FSTL5: variants seen among roughly 807,000 people sequenced by gnomAD.
FSTL5 encodes the protein follistatin like 5, also known as follistatin-related protein 5.
In FSTL5, 62 loss-of-function variants were observed where a neutral mutation model predicts 89.1. The observed-to-expected ratio is 0.70, with a 90% confidence interval of 0.57 to 0.86. The LOEUF (loss-of-function observed/expected upper bound fraction) is 0.86, where lower values mean the gene tolerates loss of function less well. FSTL5 is among the 40% of genes least tolerant of loss of function. FSTL5 has a pLI of 0.00. For missense variants in FSTL5, 1,057 were observed against 1,001.6 expected (o/e 1.06, Z -0.75); for synonymous variants, 383 against 346.2 (o/e 1.11, Z -1.18).
intron 12 of FSTL5, among the ~76,000 whole-genome samples, chr4:161,487,999 T>A (rs1193049928): frequency 6.6e-6 from 1 of 152,078 alleles, no homozygotes; most frequent in Non-Finnish European, 1.5e-5. Flanking sequence ...TATTTGTGAA[T>A]ATGCTAGATA....
intron 12 of FSTL5, among the ~76,000 whole-genome samples, chr4:161,481,670 A>T (rs1729515139): frequency 6.6e-6 from 1 of 152,192 alleles, no homozygotes; most frequent in Admixed American, 6.5e-5. Flanking sequence ...AAATTATAAT[A>T]AGATAGTTAT....
At chr4:161,398,784 C>G (rs189070279) in intron 15 of FSTL5, among the ~76,000 whole-genome samples, 4 of 152,162 alleles carry the variant, frequency 2.6e-5, no homozygotes, top group Admixed American at 2.6e-4. Context: ...GGTTATTCCA[C>G]ATATGTCTGC....
chr4:161,962,125 G>A (rs1259276038), intron 3 of FSTL5, among the ~76,000 whole-genome samples: 1 of 151,620 alleles, frequency 6.6e-6, no homozygotes, highest in South Asian at 2.1e-4. Flanking sequence ...TATTAAATAT[G>A]AGTACAATCT....
At position 161,721,081 on chromosome 4, in the gene FSTL5, A is replaced by T. The variant is rs57090136; in HGVS notation, c.727+38330T>A. ...ATCATGAGGTCAGGAGATCGAGACC[A>T]TCCTGGCTAACAAGGTGAAACCCCG... On this transcript the variant is annotated intron_variant, in intron 6 of 15. Transcript: ENST00000306100. 3.6e-3 allele frequency among the ~76,000 whole-genome samples: 539 copies of T among 151,618 alleles called. 5 individuals carry two copies. Among genetic ancestry groups the T allele is most frequent in the African/African-American group, 0.011 (436 of 41,336 alleles).
chr4:161,617,165 T>G (rs1237015830), intron 7 of FSTL5, among the ~76,000 whole-genome samples: 1 of 151,898 alleles, frequency 6.6e-6, no homozygotes, highest in East Asian at 1.9e-4. Flanking sequence ...AAACTCATAT[T>G]TATATAAATT....
intron 1 of FSTL5, among the ~76,000 whole-genome samples, chr4:162,149,499 T>C (rs958186011): frequency 1.3e-5 from 2 of 151,704 alleles, no homozygotes; most frequent in Non-Finnish European, 1.5e-5. Flanking sequence ...AAATTAGTTC[T>C]GTGTGTTGTT....
chr4:161,633,480 G>A (rs1203854220), intron 7 of FSTL5, among the ~76,000 whole-genome samples: 1 of 151,822 alleles, frequency 6.6e-6, no homozygotes, highest in East Asian at 1.9e-4. Flanking sequence ...CCGAGTAGCT[G>A]AGACTACAGG....
intron 6 of FSTL5, among the ~76,000 whole-genome samples, chr4:161,746,744 GCCT>G (rs1402858336): frequency 9.9e-5 from 15 of 151,966 alleles, no homozygotes; most frequent in African/African-American, 3.6e-4. Context: ...TTGGTGTCTT[GCCT>G]ATACCTACAT....
intron 10 of FSTL5, among the ~76,000 whole-genome samples, chr4:161,533,047 A>G (rs984499067): frequency 6.6e-6 from 1 of 152,154 alleles, no homozygotes; most frequent in Non-Finnish European, 1.5e-5. Context: ...TAGAGACACA[A>G]TTTAAAATCT....
chr4:161,588,047 A>T (rs1367651650), intron 7 of FSTL5, among the ~76,000 whole-genome samples: 2 of 152,002 alleles, frequency 1.3e-5, no homozygotes, highest in African/African-American at 2.4e-5. Context: ...GGTGGCACAC[A>T]CCTGTAGTCC....
intron 3 of FSTL5, among the ~76,000 whole-genome samples, chr4:161,921,168 T>C (rs1733984300): frequency 6.6e-6 from 1 of 152,172 alleles, no homozygotes; most frequent in Non-Finnish European, 1.5e-5. Context: ...GAAAGTAATG[T>C]ATGCATACAA....
chr4:161,440,459 C>A (rs1021623698), intron 15 of FSTL5, among the ~76,000 whole-genome samples: 3 of 152,032 alleles, frequency 2.0e-5, no homozygotes, highest in African/African-American at 7.2e-5. Context: ...TGATATCTCC[C>A]ACAACAGATA....
At chr4:161,923,974 T>C (rs998094215) in intron 3 of FSTL5, among the ~76,000 whole-genome samples, 3 of 151,800 alleles carry the variant, frequency 2.0e-5, no homozygotes, top group African/African-American at 7.2e-5. Flanking sequence ...AGCTAGAACA[T>C]ACCCTTTCTG....
chr4:162,030,832 C>T (rs1351146401), intron 3 of FSTL5, among the ~76,000 whole-genome samples: 1 of 152,130 alleles, frequency 6.6e-6, no homozygotes, highest in Non-Finnish European at 1.5e-5. Context: ...TAGAGAGATG[C>T]TCTCAAATAT....
At chr4:161,396,697 T>A (rs1249377016) in intron 15 of FSTL5, among the ~76,000 whole-genome samples, 1 of 142,654 alleles carries the variant, frequency 7.0e-6, no homozygotes, top group Non-Finnish European at 1.5e-5. Context: ...ATATGGGATA[T>A]AAGCCATATT....
intron 2 of FSTL5, among the ~76,000 whole-genome samples, chr4:162,105,686 C>T (rs1731199759): frequency 6.6e-6 from 1 of 152,006 alleles, no homozygotes; most frequent in African/African-American, 2.4e-5. Flanking sequence ...ACAGAATAAA[C>T]ATATCAATAT....
intron 15 of FSTL5, among the ~76,000 whole-genome samples, chr4:161,391,879 T>C (rs540030645): frequency 6.6e-6 from 1 of 152,206 alleles, no homozygotes; most frequent in Non-Finnish European, 1.5e-5. Flanking sequence ...TTAAAGAAGC[T>C]AAAATAAACC....
chr4:162,066,319 TC>T (rs1477995929), intron 2 of FSTL5, among the ~76,000 whole-genome samples: 5 of 43,684 alleles, frequency 1.1e-4, no homozygotes, highest in Admixed American at 5.3e-4. Flanking sequence ...TTCTTCTTCT[TC>T]TTCTTCTTCT....
chr4:161,955,474 G>A (rs1735003917), intron 3 of FSTL5, among the ~76,000 whole-genome samples: 2 of 151,812 alleles, frequency 1.3e-5, no homozygotes, highest in African/African-American at 4.8e-5. Context: ...TGAGAAATCA[G>A]TCCAAAGCAG....
Sources: allele counts gnomAD v4.1 joint callset (sites outside exome capture counted in the v4.1 genomes callset), GRCh38; gene constraint gnomAD v4.1.1; transcripts MANE v1.5; gene names NCBI Gene and HGNC (gene_info 2026-07-23, HGNC 2026-07-21).